FBLN5: variants seen among roughly 807,000 people sequenced by gnomAD.
FBLN5 encodes fibulin-5.
FBLN5 carries 24 observed loss-of-function variants against 61.6 expected under a neutral mutation model. That is an observed-to-expected ratio of 0.39 (90% CI 0.28 to 0.55). FBLN5 has a LOEUF of 0.55. FBLN5 is among the 20% of genes least tolerant of loss of function. The probability of loss-of-function intolerance (pLI) is 0.65; values close to 1 mark genes in which losing one functional copy is unlikely to be tolerated. For synonymous variants in FBLN5, 213 were observed against 219.8 expected (o/e 0.97, Z 0.27); for missense variants, 470 against 594.1 (o/e 0.79, Z 2.17).
chr14:91,905,848 G>A (rs1465553135), intron 4 of FBLN5, among the ~76,000 whole-genome samples: 1 of 151,876 alleles, frequency 6.6e-6, no homozygotes, highest in African/African-American at 2.4e-5. Flanking sequence ...AAAGTGCTAG[G>A]ATTACAGGTG....
intron 4 of FBLN5, among the ~76,000 whole-genome samples, chr14:91,906,810 G>T (rs1442800460): frequency 6.6e-6 from 1 of 152,138 alleles, no homozygotes; most frequent in Non-Finnish European, 1.5e-5. Flanking sequence ...GAGTCCCACT[G>T]CCCCCAATGC....
chr14:91,901,505 T>A (rs893647448), intron 4 of FBLN5, among the ~76,000 whole-genome samples: 1 of 152,032 alleles, frequency 6.6e-6, no homozygotes, highest in Non-Finnish European at 1.5e-5. Flanking sequence ...TGGGGCTTGA[T>A]AAGAAAGAAG....
At chr14:91,912,914 A>G (rs1891018762) in intron 4 of FBLN5, among the ~76,000 whole-genome samples, 1 of 152,092 alleles carries the variant, frequency 6.6e-6, no homozygotes, top group Admixed American at 6.6e-5. Context: ...CAGAAAATGT[A>G]CTCATCAAAA....
At chr14:91,871,941 G>A (rs1888952275) in intron 10 of FBLN5, among the ~76,000 whole-genome samples, 1 of 152,094 alleles carries the variant, frequency 6.6e-6, no homozygotes, top group Non-Finnish European at 1.5e-5. Context: ...GGCATCACCA[G>A]GGAGCTTCTT....
At chr14:91,902,175 G>A (rs1211819431) in intron 4 of FBLN5, among the ~76,000 whole-genome samples, 1 of 152,196 alleles carries the variant, frequency 6.6e-6, no homozygotes, top group Admixed American at 6.5e-5. Flanking sequence ...CGGGGCCAGG[G>A]GAAACACATG....
rs1889770237 is a variant in FBLN5, at chr14:91,887,287, G to A, written c.645C>T (p.Asn215=). 1 of 1,613,532 alleles carries A rather than the reference G, an allele frequency of 6.2e-7. No individual in the cohort carries two copies. Residue 215 remains asparagine (N), a synonymous_variant, in exon 7 of 11, where the codon AAC becomes AAT. Coordinates refer to ENST00000342058, the MANE Select transcript of FBLN5 (RefSeq NM_006329.4). ...TGTTGACGCAGGTTTGCACGCAGGG[G>A]TTCTCGGTGGCACACTCGTTCACAT... ...CQDVNECATE[N]PCVQTCVNTY...
At chr14:91,935,355 C>G (rs2474026) in intron 4 of FBLN5, among the ~76,000 whole-genome samples, 148,804 of 152,316 alleles carry the variant, frequency 0.98, 72,706 homozygotes, top group East Asian at 1. Context: ...ATCAGCTAGA[C>G]CTGTCTGCAC....
chr14:91,923,190 A>C (rs2055771187), intron 4 of FBLN5, among the ~76,000 whole-genome samples: 1 of 152,198 alleles, frequency 6.6e-6, no homozygotes, highest in Non-Finnish European at 1.5e-5. Flanking sequence ...AAGAGAAGGA[A>C]CTGGAGCACA....
chr14:91,931,168 G>C (rs1435547412), intron 4 of FBLN5, among the ~76,000 whole-genome samples: 1 of 152,218 alleles, frequency 6.6e-6, no homozygotes, highest in African/African-American at 2.4e-5. Context: ...CTCAAAGCCT[G>C]TCTGACTTCC....
chr14:91,914,205 C>A (rs1050053823), intron 4 of FBLN5, among the ~76,000 whole-genome samples: 28 of 152,220 alleles, frequency 1.8e-4, no homozygotes, highest in African/African-American at 6.5e-4. Flanking sequence ...TAGCTGGGCG[C>A]AGTAGCTCAT....
intron 6 of FBLN5, 124 bp from the exon 7 acceptor site, chr14:91,887,436 C>G (rs1889779669): frequency 2.0e-6 from 2 of 995,194 alleles, no homozygotes; most frequent in South Asian, 1.3e-5. Flanking sequence ...GGTACCAAGG[C>G]TCTCCACCCA....
chr14:91,910,427 T>A (rs1245764868), intron 4 of FBLN5, among the ~76,000 whole-genome samples: 1 of 152,182 alleles, frequency 6.6e-6, no homozygotes, highest in African/African-American at 2.4e-5. Flanking sequence ...TTTGGCAAGA[T>A]GAAAAAGTTC....
Position 91,881,855 on chromosome 14 carries a change from T to C in FBLN5, c.863-437A>G, listed in dbSNP as rs1179980027. Among the ~76,000 whole-genome samples, 8 of 152,110 alleles carry C rather than the reference T, an allele frequency of 5.3e-5. No individual in the cohort carries two copies. In the East Asian group the frequency reaches 1.5e-3, roughly 29 times the overall value. ...AATAATTTTTATATTGAATACATGC[T>C]GAAATAATATTTTGGATATACTGCA... On this transcript the variant is annotated intron_variant, in intron 8 of 10. Coordinates refer to ENST00000342058, the MANE Select transcript of FBLN5 (RefSeq NM_006329.4).
intron 4 of FBLN5, among the ~76,000 whole-genome samples, chr14:91,920,676 C>T (rs1460643033): frequency 2.0e-5 from 3 of 152,148 alleles, no homozygotes; most frequent in Admixed American, 6.5e-5. Context: ...GCTGTTCCCA[C>T]GATTCTCAGT....
chr14:91,907,549 G>C (rs117619064), intron 4 of FBLN5, among the ~76,000 whole-genome samples: 2 of 152,030 alleles, frequency 1.3e-5, no homozygotes, highest in African/African-American at 4.8e-5. Context: ...GAGCCGGGGG[G>C]AGCTTCACTG....
In FBLN5 at chr14:91,889,754, C is replaced by T. The variant is rs536362370; in HGVS notation, c.619+1467G>A. Among the ~76,000 whole-genome samples the T allele has an allele frequency of 1.7e-4, 26 of 152,352 alleles. No homozygotes were observed. The South Asian group carries it at 5.4e-3, about 32-fold the overall frequency. On this transcript the variant is annotated intron_variant, in intron 6 of 10. Transcript: ENST00000342058. ...CTGCCCATGGGCCCTGCTGATGCAG[C>T]ATCCCAGTGGCTGAGTGCCCATACC...
rs1209335109 is a variant in FBLN5, at chr14:91,933,378, A to C, written c.379+3569T>G. ...CAACCTCCACCTCCTGGGTTCAAGC[A>C]ATTCTCCTGCCTCAGCCTCCCGAGT... On this transcript the variant is annotated intron_variant, in intron 4 of 10. Coordinates refer to ENST00000342058, the MANE Select transcript of FBLN5 (RefSeq NM_006329.4). Among the ~76,000 whole-genome samples, 5 of 151,940 alleles carry C rather than the reference A, an allele frequency of 3.3e-5. No homozygotes were observed. In the East Asian group the frequency reaches 9.6e-4, roughly 29 times the overall value.
chr14:91,908,979 G>A (rs190244683), intron 4 of FBLN5, among the ~76,000 whole-genome samples: 13 of 152,004 alleles, frequency 8.6e-5, no homozygotes, highest in African/African-American at 1.7e-4. Context: ...GTGAAGTGGC[G>A]CAATCTCGGC....
At chr14:91,938,771 AT>A (rs1300014688) in intron 3 of FBLN5, among the ~76,000 whole-genome samples, 1 of 152,214 alleles carries the variant, frequency 6.6e-6, no homozygotes, top group Non-Finnish European at 1.5e-5. Flanking sequence ...TGGAGACCAC[AT>A]GCCTGCACCC....
Sources: allele counts gnomAD v4.1 joint callset (sites outside exome capture counted in the v4.1 genomes callset), GRCh38; gene constraint gnomAD v4.1.1; transcripts MANE v1.5; gene names NCBI Gene and HGNC (gene_info 2026-07-23, HGNC 2026-07-21).